TSPEAR: variants seen among roughly 807,000 people sequenced by gnomAD.
The protein encoded by TSPEAR is thrombospondin type laminin G domain and EAR repeats.
A neutral mutation model predicts 71.6 loss-of-function variants in TSPEAR; 69 were observed. That is an observed-to-expected ratio of 0.96 (90% CI 0.79 to 1.18). The LOEUF (loss-of-function observed/expected upper bound fraction) is 1.18. Ranked by LOEUF, TSPEAR falls within the 50% of genes most tolerant of loss-of-function variation. TSPEAR has a pLI of 0.00. For missense variants in TSPEAR, 971 were observed against 894.9 expected, an observed-to-expected ratio of 1.09 and a Z score of -1.09; for synonymous variants, 402 against 387.2, an observed-to-expected ratio of 1.04 and a Z score of -0.45.
In TSPEAR at chr21:44,711,199, T is replaced by G. The variant is rs1408768133; in HGVS notation, c.82+234A>C. Among the ~76,000 whole-genome samples, 7 of 152,212 alleles carry G rather than the reference T, an allele frequency of 4.6e-5. No individual in the cohort carries two copies. Among genetic ancestry groups the G allele is most frequent in the African/African-American group, 1.7e-4 (7 of 41,446 alleles). Reference sequence around the variant, plus strand: ...TCTTGAAGCTCGTCCCCACCCTGCGTGCGTTCTAAAGAGCCGCGTTTCTAT... The same window carrying G: ...TCTTGAAGCTCGTCCCCACCCTGCGGGCGTTCTAAAGAGCCGCGTTTCTAT... On this transcript the variant is annotated intron_variant, in intron 1 of 11. Transcript: ENST00000323084. This position sits in a 1 kb window ranked among gnomAD's most constrained non-coding sequence, Gnocchi z 4.5.
chr21:44,661,398 C>T (rs990761370), intron 1 of TSPEAR, among the ~76,000 whole-genome samples: 4 of 151,372 alleles, frequency 2.6e-5, no homozygotes, highest in South Asian at 2.1e-4. Flanking sequence ...AACAATAACA[C>T]GAGGAATATA....
At chr21:44,539,547 CGGGCACACAGCAGAT>C in intron 2 of TSPEAR, 1 of 1,612,528 alleles carries the variant, frequency 6.2e-7, no homozygotes, top group Non-Finnish European at 8.5e-7. Context: ...CCAGAGCAGA[CGGGCACACAGCAGAT>C]GGGCTTGCAG....
chr21:44,628,122 C>T (rs1219671360), intron 1 of TSPEAR: 2 of 1,544,578 alleles, frequency 1.3e-6, no homozygotes, highest in Non-Finnish European at 1.8e-6. Context: ...CCCAGCCCAC[C>T]CAGCCTCAGC....
chr21:44,583,173 ACT>A (rs1979116423), intron 1 of TSPEAR, among the ~76,000 whole-genome samples: 1 of 19,680 alleles, frequency 5.1e-5, no homozygotes. Flanking sequence ...TCAAGCAGAC[ACT>A]CTGGGGATCT....
At chr21:44,702,128 A>G in intron 1 of TSPEAR, 1 of 1,150,848 alleles carries the variant, frequency 8.7e-7, no homozygotes. Context: ...GGCAGCGTCC[A>G]CATGAGCACA....
chr21:44,521,890 G>A lies in TSPEAR; in HGVS notation c.1559C>T (p.Ser520Phe), dbSNP rs953814618. 1.9e-6 allele frequency: 3 copies of A among 1,613,538 alleles called. No homozygotes were observed. Among genetic ancestry groups the A allele is most frequent in the Non-Finnish European group, 2.5e-6 (3 of 1,179,818 alleles). ...RLLGSFQLFQSFPTFGAADWE... is the reference protein window; with the variant it reads ...RLLGSFQLFQFFPTFGAADWE... Reference sequence around the variant, plus strand: ...TCATGCGGGGGGCCTTACCGGGAAGGACTGGAAGAGCTGGAAGGAGCCCAG... The same window carrying A: ...TCATGCGGGGGGCCTTACCGGGAAGAACTGGAAGAGCTGGAAGGAGCCCAG... Residue 520 changes from serine (S) to phenylalanine (F), a missense_variant, in exon 9 of 12, where the codon TCC (serine) becomes TTC (phenylalanine). By Grantham distance (155) the Ser-to-Phe change is radical. Transcript: ENST00000323084.
chr21:44,606,178 A>AG (rs2146163144), intron 1 of TSPEAR, among the ~76,000 whole-genome samples: 1 of 151,588 alleles, frequency 6.6e-6, no homozygotes, highest in East Asian at 1.9e-4. Context: ...AAAAAAAAAA[A>AG]AAAAACTACA....
intron 1 of TSPEAR, among the ~76,000 whole-genome samples, chr21:44,683,945 TAC>T (rs1403178981): frequency 6.6e-6 from 1 of 152,162 alleles, no homozygotes; most frequent in Non-Finnish European, 1.5e-5. Flanking sequence ...AAATTTTAAA[TAC>T]ACCAAATTTG....
In TSPEAR at chr21:44,601,821, C is replaced by T. The variant is rs1270964038; in HGVS notation, c.83-33816G>A. 1.3e-5 allele frequency: 19 copies of T among 1,520,006 alleles called. No homozygotes were observed. The East Asian group carries it at 1.6e-4, about 13-fold the overall frequency. The allele number at this position is 1,520,006 out of a possible 1,614,324, so 94.2% of individuals were successfully genotyped here. ...TTACCCTTGACGGCTCTCCACATCC[C>T]GCTCCTAAGCCCTGCAGTGGACGTC... On this transcript the variant is annotated intron_variant, in intron 1 of 11. Transcript: ENST00000323084.
intron 1 of TSPEAR, among the ~76,000 whole-genome samples, chr21:44,698,243 G>A (rs1239599167): frequency 1.3e-5 from 2 of 152,158 alleles, no homozygotes; most frequent in Non-Finnish European, 2.9e-5. Context: ...ACCATGCTTG[G>A]AAGTCCTAAT....
At chr21:44,595,053 C>G (rs1333452665) in intron 1 of TSPEAR, among the ~76,000 whole-genome samples, 2 of 152,104 alleles carry the variant, frequency 1.3e-5, no homozygotes, top group African/African-American at 4.8e-5. Flanking sequence ...AACTCTTGAC[C>G]TCAAGTGATC....
chr21:44,649,454 C>T (rs985164097), intron 1 of TSPEAR, among the ~76,000 whole-genome samples: 6 of 152,142 alleles, frequency 3.9e-5, no homozygotes, highest in Admixed American at 2.0e-4. Context: ...GGTTCCCAAA[C>T]GGCTCCCCCG....
At chr21:44,517,305 C>T (rs782283071) in intron 9 of TSPEAR, 6 of 158,658 alleles carry the variant, frequency 3.8e-5, no homozygotes, top group Admixed American at 2.5e-4. Flanking sequence ...GCCAGTGCAC[C>T]CCCCAGGAAC....
chr21:44,517,329 G>A (rs2052606075), intron 9 of TSPEAR: 1 of 162,870 alleles, frequency 6.1e-6, no homozygotes, highest in South Asian at 1.7e-4. Context: ...GCCTAGTCCA[G>A]GGCTCCCACA....
In TSPEAR at chr21:44,646,400, A is replaced by C; in HGVS notation, c.82+65033T>G. 6 of 1,128,336 alleles carry C rather than the reference A, an allele frequency of 5.3e-6. No individual in the cohort carries two copies. The South Asian group carries it at 6.2e-5, about 12-fold the overall frequency. The allele number at this position is 1,128,336 out of a possible 1,614,324, so 69.9% of individuals were successfully genotyped here. The stretch of plus-strand genomic sequence containing the variant: ...CCCTGAGCACCTCACTCACTCACTC[A>C]CACACACACTCACACACTCACTTAC... On this transcript the variant is annotated intron_variant, in intron 1 of 11. Coordinates refer to ENST00000323084, the MANE Select transcript of TSPEAR (RefSeq NM_144991.3).
intron 1 of TSPEAR, chr21:44,637,268 G>C: frequency 9.3e-7 from 1 of 1,078,858 alleles, no homozygotes; most frequent in South Asian, 1.5e-5. Flanking sequence ...ACACCAACAC[G>C]GAAGGGGAGG....
chr21:44,565,349 C>G (rs1209613863), intron 2 of TSPEAR, among the ~76,000 whole-genome samples: 1 of 152,088 alleles, frequency 6.6e-6, no homozygotes, highest in Non-Finnish European at 1.5e-5. Context: ...GTATTACTTC[C>G]TAACTCATTC....
intron 8 of TSPEAR, among the ~76,000 whole-genome samples, chr21:44,524,135 T>C (rs79295948): frequency 0.039 from 5,845 of 151,000 alleles, 394 homozygotes; most frequent in African/African-American, 0.13. Flanking sequence ...AGTCAGTCAG[T>C]GAGGTAGTCA....
chr21:44,591,987 A>G lies in TSPEAR; in HGVS notation c.83-23982T>C, dbSNP rs782319930. The G allele has an allele frequency of 2.1e-5, 34 of 1,600,308 alleles. No individual in the cohort carries two copies. The South Asian group carries it at 3.6e-4, about 17-fold the overall frequency. On this transcript the variant is annotated intron_variant, in intron 1 of 11. Coordinates refer to ENST00000323084, the MANE Select transcript of TSPEAR (RefSeq NM_144991.3). ...GCTGGCAGCACGAAGAGGAAATCCC[A>G]GAGCAGACAGGCTTGCAGCAGACGG...
Sources: allele counts gnomAD v4.1 joint callset (sites outside exome capture counted in the v4.1 genomes callset), GRCh38; gene constraint gnomAD v4.1.1; non-coding constraint Gnocchi (gnomAD v3.1); transcripts MANE v1.5; gene names NCBI Gene and HGNC (gene_info 2026-07-23, HGNC 2026-07-21).